The following ADGRL2 variants were observed in gnomAD, a reference collection of about 807,000 sequenced individuals.
The protein encoded by ADGRL2 is calcium-independent alpha-latrotoxin receptor 2.
Under a neutral mutation model 157.4 loss-of-function variants are expected in ADGRL2, and 44 were observed. That is an observed-to-expected ratio of 0.28 (90% CI 0.22 to 0.36). The LOEUF is 0.36. Ranked by LOEUF, ADGRL2 falls within the 10% of genes least tolerant of loss-of-function variation. The pLI is 1.00. For synonymous variants in ADGRL2, 585 were observed against 624.7 expected, an observed-to-expected ratio of 0.94 and a Z score of 0.95; for missense variants, 1,510 against 1,768.9, an observed-to-expected ratio of 0.85 and a Z score of 2.63.
chr1:81,657,244 T>G (rs1266157794), intron 3 of ADGRL2, among the ~76,000 whole-genome samples: 3 of 152,070 alleles, frequency 2.0e-5, no homozygotes, highest in Admixed American at 1.3e-4. Flanking sequence ...GGAGACCTCA[T>G]GAATGGGATT....
intron 3 of ADGRL2, among the ~76,000 whole-genome samples, chr1:81,588,054 T>C (rs1570578831): frequency 6.6e-6 from 1 of 151,980 alleles, no homozygotes; most frequent in East Asian, 1.9e-4. Flanking sequence ...AAGGGAGTGC[T>C]CTTGGGTGGA....
At chr1:81,937,694 G>A (rs1293510252) in intron 4 of ADGRL2, among the ~76,000 whole-genome samples, 3 of 151,672 alleles carry the variant, frequency 2.0e-5, no homozygotes, top group African/African-American at 7.3e-5. Flanking sequence ...TAGTTCATGG[G>A]CGTTTGAATT....
At chr1:81,839,751 A>ATG (rs2092459710) in intron 2 of ADGRL2, among the ~76,000 whole-genome samples, 1 of 147,954 alleles carries the variant, frequency 6.8e-6, no homozygotes, top group South Asian at 2.1e-4. Flanking sequence ...TCATATATAT[A>ATG]TATGTATTTT....
At chr1:81,916,231 A>C (rs912573405) in intron 3 of ADGRL2, among the ~76,000 whole-genome samples, 29 of 152,134 alleles carry the variant, frequency 1.9e-4, no homozygotes, top group African/African-American at 6.8e-4. Flanking sequence ...TCATAAGACT[A>C]TTTTCAGATA....
intron 1 of ADGRL2, among the ~76,000 whole-genome samples, chr1:81,704,358 G>T (rs981790268): frequency 2.0e-5 from 3 of 152,200 alleles, no homozygotes; most frequent in Non-Finnish European, 4.4e-5. Flanking sequence ...ACAGAGCATA[G>T]CACATCAGTC....
chr1:81,822,251 A>C (rs2091062935), intron 1 of ADGRL2, among the ~76,000 whole-genome samples: 1 of 151,886 alleles, frequency 6.6e-6, no homozygotes, highest in African/African-American at 2.4e-5. Context: ...CGCTATCAGA[A>C]AAAAATCACT....
At chr1:81,807,344 A>G (rs910309400) in intron 1 of ADGRL2, among the ~76,000 whole-genome samples, 1 of 151,994 alleles carries the variant, frequency 6.6e-6, no homozygotes, top group African/African-American at 2.4e-5. Context: ...CATAAGACTA[A>G]TTATTCTATA....
chr1:81,394,820 T>C (rs2076625594), intron 1 of ADGRL2, among the ~76,000 whole-genome samples: 1 of 152,002 alleles, frequency 6.6e-6, no homozygotes, highest in Admixed American at 6.6e-5. Flanking sequence ...CATATAAGAG[T>C]TCTCCTTTCT....
chr1:81,752,634 C>T lies in ADGRL2; in HGVS notation c.-142-9177C>T, dbSNP rs545641564. On this transcript the variant is annotated intron_variant, in intron 1 of 20. Coordinates refer to the ADGRL2 transcript ENST00000359929. ...ACATTCCTGGTCTCAGGTGATCCTG[C>T]CACCTTAGCCTCCTGAGTAGCTGGT... 1.1e-3 allele frequency among the ~76,000 whole-genome samples: 164 copies of T among 152,234 alleles called. 1 individual carries two copies. The highest frequency in any genetic ancestry group is 3.8e-3 in the African/African-American group (158 of 41,532).
chr1:81,467,496 T>C (rs1419490136), intron 2 of ADGRL2, among the ~76,000 whole-genome samples: 8 of 152,176 alleles, frequency 5.3e-5, no homozygotes, highest in Non-Finnish European at 8.8e-5. Flanking sequence ...GCCTAGCTAA[T>C]GAATATAAGT....
At chr1:81,955,836 A>G in intron 10 of ADGRL2, 41 bp from the exon 11 acceptor site, 1 of 1,379,848 alleles carries the variant, frequency 7.2e-7, no homozygotes, top group Non-Finnish European at 9.8e-7. Flanking sequence ...CTTTGGTTCT[A>G]AAAGCGGTCA....
intron 1 of ADGRL2, among the ~76,000 whole-genome samples, chr1:81,358,896 T>C (rs765748293): frequency 6.6e-6 from 1 of 151,976 alleles, no homozygotes; most frequent in Non-Finnish European, 1.5e-5. Flanking sequence ...CTCCGTAGGA[T>C]GAAGGAAAGT....
intron 1 of ADGRL2, among the ~76,000 whole-genome samples, chr1:81,802,844 T>A (rs1189735807): frequency 6.6e-6 from 1 of 151,780 alleles, no homozygotes; most frequent in East Asian, 2.0e-4. Context: ...TCGTCAGTGG[T>A]TAGGTGGTGT....
chr1:81,915,161 A>T (rs1005577934), intron 3 of ADGRL2, among the ~76,000 whole-genome samples: 3 of 151,964 alleles, frequency 2.0e-5, no homozygotes, highest in East Asian at 1.9e-4. Flanking sequence ...CTGCAGCCCC[A>T]GCTTCCCAGG....
chr1:81,373,600 A>G (rs1311202616), intron 1 of ADGRL2, among the ~76,000 whole-genome samples: 1 of 152,220 alleles, frequency 6.6e-6, no homozygotes, highest in Non-Finnish European at 1.5e-5. Flanking sequence ...TAGGACCACA[A>G]AACAGCCTCA....
At chr1:81,662,901 C>T (rs2082681927) in intron 3 of ADGRL2, among the ~76,000 whole-genome samples, 1 of 152,090 alleles carries the variant, frequency 6.6e-6, no homozygotes, top group Non-Finnish European at 1.5e-5. Flanking sequence ...TAACCATCCC[C>T]ACCTTCCGCA....
At chr1:81,788,778 C>T (rs927254495) in intron 2 of ADGRL2, among the ~76,000 whole-genome samples, 10 of 152,060 alleles carry the variant, frequency 6.6e-5, no homozygotes, top group South Asian at 2.1e-4. Flanking sequence ...TGCAGTGGCA[C>T]GATATGGGCT....
rs532725403 is a variant in ADGRL2 at position 81,423,823 on chromosome 1, T to G, written c.-301-21213T>G. 3.3e-5 allele frequency among the ~76,000 whole-genome samples: 5 copies of G among 152,262 alleles called. No homozygotes were observed. In the South Asian group the frequency reaches 1.0e-3, roughly 32 times the overall value. ...AACATCATTCAACAACCCATGTCAT[T>G]ACTGAAGCAAAGGTTAAATTGCTCT... On this transcript the variant is annotated intron_variant, in intron 1 of 24. Coordinates refer to the ADGRL2 transcript ENST00000370721.
At chr1:81,507,975 C>A (rs1396763757) in intron 2 of ADGRL2, among the ~76,000 whole-genome samples, 1 of 152,066 alleles carries the variant, frequency 6.6e-6, no homozygotes, top group East Asian at 1.9e-4. Flanking sequence ...TTTCTTTTTT[C>A]TTTCCTTTCC....
Sources: gnomAD v4.1 joint callset for allele counts (sites outside exome capture counted in the v4.1 genomes callset) on GRCh38, gnomAD v4.1.1 for gene constraint, MANE v1.5 for transcripts, NCBI Gene and HGNC (gene_info 2026-07-23, HGNC 2026-07-21) for gene names.